Variants in ZNF536 observed in about 807,000 individuals in gnomAD.
ZNF536 encodes zinc finger protein 536.
Under a neutral mutation model 84.5 loss-of-function variants are expected in ZNF536, and 13 were observed. The observed-to-expected ratio is 0.15, with a 90% confidence interval of 0.10 to 0.24. ZNF536 has a LOEUF of 0.24. Among genes scored for constraint, ZNF536 ranks in the 10% least tolerant of loss-of-function variants. The pLI is 1.00. For synonymous variants in ZNF536, 811 were observed against 742.5 expected, an observed-to-expected ratio of 1.09 and a Z score of -1.50; for missense variants, 1,536 against 1,747.5, an observed-to-expected ratio of 0.88 and a Z score of 2.16.
At chr19:30,416,289 ATTTTTTT>A (rs200146840) in intron 1 of ZNF536, among the ~76,000 whole-genome samples, 50,438 of 132,686 alleles carry the variant, frequency 0.38, 9,275 homozygotes, top group South Asian at 0.56. Flanking sequence ...TGTCCTCTGA[ATTTTTTT>A]TTTTTTTTTT....
intron 1 of ZNF536, among the ~76,000 whole-genome samples, chr19:30,436,040 T>A (rs1881418881): frequency 6.6e-6 from 1 of 152,186 alleles, no homozygotes; most frequent in Admixed American, 6.5e-5. Context: ...TCTCCAACTC[T>A]TGTCCTACCA....
intron 2 of ZNF536, among the ~76,000 whole-genome samples, chr19:30,285,326 T>C (rs1292772353): frequency 6.6e-6 from 1 of 152,172 alleles, no homozygotes; most frequent in Non-Finnish European, 1.5e-5. Context: ...GCTTGATGGG[T>C]GAACTCCACA....
At chr19:30,578,019 G>A (rs375306241) in intron 1 of ZNF536, among the ~76,000 whole-genome samples, 19 of 152,278 alleles carry the variant, frequency 1.2e-4, no homozygotes, top group African/African-American at 4.6e-4. Flanking sequence ...ACAGGGATGG[G>A]AGAGCCTCTG....
chr19:30,236,792 A>G (rs1853664340), intron 1 of ZNF536, among the ~76,000 whole-genome samples: 1 of 152,154 alleles, frequency 6.6e-6, no homozygotes, highest in Admixed American at 6.5e-5. Context: ...GATGTAACGG[A>G]TGGTGATATG....
At chr19:30,523,538 T>A (rs1422974746) in intron 2 of ZNF536, among the ~76,000 whole-genome samples, 1 of 152,184 alleles carries the variant, frequency 6.6e-6, no homozygotes, top group Non-Finnish European at 1.5e-5. Context: ...CTGTCAGATT[T>A]AGCTCTGGAA....
chr19:30,399,172 G>A (rs573149567), intron 1 of ZNF536, among the ~76,000 whole-genome samples: 14 of 152,310 alleles, frequency 9.2e-5, no homozygotes, highest in South Asian at 2.1e-4. Context: ...GACCAGTGAT[G>A]ATGAGCTTTT....
intron 2 of ZNF536, among the ~76,000 whole-genome samples, chr19:30,506,241 C>T (rs2055170336): frequency 6.6e-6 from 1 of 152,132 alleles, no homozygotes; most frequent in Admixed American, 6.5e-5. Context: ...GAGGGCATTG[C>T]CCTTCCCCTC....
chr19:30,637,915 T>A (rs1199046484), intron 1 of ZNF536, among the ~76,000 whole-genome samples: 1 of 148,166 alleles, frequency 6.7e-6, no homozygotes, highest in Non-Finnish European at 1.5e-5. Context: ...GCTGGTGTTA[T>A]GTAGACAAAA....
intron 3 of ZNF536, among the ~76,000 whole-genome samples, chr19:30,543,827 G>A (rs1416730757): frequency 6.6e-6 from 1 of 152,158 alleles, no homozygotes; most frequent in Non-Finnish European, 1.5e-5. Flanking sequence ...AGAATGCCTG[G>A]GAAACAGCTG....
intron 1 of ZNF536, among the ~76,000 whole-genome samples, chr19:30,579,382 T>C (rs976452448): frequency 1.3e-5 from 2 of 152,152 alleles, no homozygotes; most frequent in Non-Finnish European, 2.9e-5. Flanking sequence ...TCACTGGACT[T>C]CCTCATGATT....
intron 4 of ZNF536, chr19:30,554,631 AGT>A (rs1189452316): frequency 2.0e-5 from 3 of 152,230 alleles, no homozygotes; most frequent in African/African-American, 7.2e-5. Context: ...AGAGAATAAA[AGT>A]GTTGGCTCAC....
intron 2 of ZNF536, among the ~76,000 whole-genome samples, chr19:30,451,640 A>G (rs1398004807): frequency 6.6e-6 from 1 of 152,184 alleles, no homozygotes; most frequent in Admixed American, 6.5e-5. Context: ...CTGCTCCAGC[A>G]CTTAACAGGC....
intron 1 of ZNF536, among the ~76,000 whole-genome samples, chr19:30,243,706 C>T (rs1486871884): frequency 1.3e-5 from 2 of 152,222 alleles, no homozygotes; most frequent in African/African-American, 4.8e-5. Flanking sequence ...ACGTCTGGCT[C>T]ATTAATTTGG....
intron 1 of ZNF536, among the ~76,000 whole-genome samples, chr19:30,256,176 T>C (rs1055073703): frequency 6.6e-6 from 1 of 152,162 alleles, no homozygotes; most frequent in Non-Finnish European, 1.5e-5. Context: ...CCACAGAAAC[T>C]TAAGGGTAGA....
At chr19:30,256,688 GA>G (rs1252050171) in intron 1 of ZNF536, among the ~76,000 whole-genome samples, 4 of 152,158 alleles carry the variant, frequency 2.6e-5, no homozygotes, top group Non-Finnish European at 5.9e-5. Context: ...CGGGCCTCTG[GA>G]GGAGAGAGGC....
intron 2 of ZNF536, among the ~76,000 whole-genome samples, chr19:30,467,145 T>A (rs1240867795): frequency 6.6e-6 from 1 of 152,210 alleles, no homozygotes; most frequent in South Asian, 2.1e-4. Context: ...GCCTTAACCA[T>A]TTTTAAGAGC....
At chr19:30,393,237 C>G (rs551622251) in intron 1 of ZNF536, among the ~76,000 whole-genome samples, 6 of 151,778 alleles carry the variant, frequency 4.0e-5, no homozygotes, top group African/African-American at 1.5e-4. Flanking sequence ...GGGTTGGGGG[C>G]GGGGGAGAGG....
chr19:30,293,557 A>C (rs965821707), intron 2 of ZNF536, among the ~76,000 whole-genome samples: 1 of 152,122 alleles, frequency 6.6e-6, no homozygotes, highest in African/African-American at 2.4e-5. Context: ...GTATTTCAAC[A>C]ATAGGCTTCA....
At chr19:30,684,945 C>A (rs796183999) in intron 1 of ZNF536, among the ~76,000 whole-genome samples, 18 of 152,246 alleles carry the variant, frequency 1.2e-4, no homozygotes, top group African/African-American at 4.3e-4. Context: ...GTTTTCAGTG[C>A]GTCTTCCAGG....
Sources: allele counts gnomAD v4.1 joint callset (sites outside exome capture counted in the v4.1 genomes callset), GRCh38; gene constraint gnomAD v4.1.1; transcripts MANE v1.5; gene names NCBI Gene and HGNC (gene_info 2026-07-23, HGNC 2026-07-21).